Variants in TTI1 observed in about 807,000 individuals in gnomAD.
The protein encoded by TTI1 is TELO2 interacting protein 1.
TTI1 carries 52 observed loss-of-function variants against 85.4 expected under a neutral mutation model. The observed-to-expected ratio is 0.61, with a 90% CI of 0.49 to 0.77. The LOEUF is 0.77. TTI1 is among the 30% of genes least tolerant of loss of function. The pLI, the probability that TTI1 is intolerant of heterozygous loss-of-function variation, is 0.00. For synonymous variants in TTI1, 512 were observed against 503.9 expected (o/e 1.02, Z -0.22); for missense variants, 1,173 against 1,296.0 (o/e 0.91, Z 1.46).
At position 37,983,472 on chromosome 20, in the gene TTI1, A is replaced by G. The variant is rs1163536068; in HGVS notation, c.3254T>C (p.Leu1085Pro). 6.2e-7 allele frequency: 1 copy of G among 1,610,654 alleles called. No individual in the cohort carries two copies. Among genetic ancestry groups the G allele is most frequent in the Non-Finnish European group, 8.5e-7 (1 of 1,179,640 alleles). Reference sequence around the variant, plus strand: ...GGAGCAGGGTCACTGCAGCTCCTTGAGCAGCTGGAGCACGTTGGTCGTGTA... The same window carrying G: ...GGAGCAGGGTCACTGCAGCTCCTTGGGCAGCTGGAGCACGTTGGTCGTGTA... ...NPYTTNVLQL[L>P]KELQ The change falls in exon 8 of 8, where the codon CTC becomes CCC. Residue 1085 changes from leucine to proline, a missense_variant. Coordinates refer to ENST00000373447, the MANE Select transcript of TTI1 (RefSeq NM_001303457.2).
At chr20:38,004,672 G>A (rs1242294259) in intron 3 of TTI1, among the ~76,000 whole-genome samples, 1 of 152,172 alleles carries the variant, frequency 6.6e-6, no homozygotes, top group African/African-American at 2.4e-5. Context: ...TTCACCTATT[G>A]CAGAATCTTA....
chr20:38,007,524 A>G (rs1294842396), intron 2 of TTI1, among the ~76,000 whole-genome samples: 1 of 152,180 alleles, frequency 6.6e-6, no homozygotes, highest in Non-Finnish European at 1.5e-5. Flanking sequence ...TCTAATTTCA[A>G]TTATTTTTGT....
At chr20:38,033,184 C>T (rs754322311) in intron 1 of TTI1, among the ~76,000 whole-genome samples, 2 of 152,106 alleles carry the variant, frequency 1.3e-5, no homozygotes, top group African/African-American at 4.8e-5. Context: ...GAAAAGGGCA[C>T]GTGGGTGGCT....
intron 1 of TTI1, among the ~76,000 whole-genome samples, chr20:38,031,334 C>A (rs548081918): frequency 3.9e-5 from 6 of 152,200 alleles, no homozygotes. Flanking sequence ...TCCAGCCACC[C>A]TTCTAGTTCA....
At chr20:38,023,972 CTCT>C (rs2073803739) in intron 1 of TTI1, among the ~76,000 whole-genome samples, 1 of 152,136 alleles carries the variant, frequency 6.6e-6, no homozygotes, top group South Asian at 2.1e-4. Flanking sequence ...CCGGAAATTA[CTCT>C]AGGCTCACAT....
Position 37,999,162 on chromosome 20 carries a change from G to T in TTI1, c.2793+26C>A, listed in dbSNP as rs567254191. 1.0e-5 allele frequency: 14 copies of T among 1,384,090 alleles called. No individual in the cohort carries two copies. The African/African-American group carries it at 1.9e-4, about 19-fold the overall frequency. The allele number at this position is 1,384,090 out of a possible 1,614,324, so 85.7% of individuals were successfully genotyped here. ...GCCTACTAACTCTACCCTCACAACA[G>T]ACCATGGGGGATGCTGGTGCAGTAC... On this transcript the variant is annotated intron_variant, in intron 5 of 7. Coordinates refer to ENST00000373447, the MANE Select transcript of TTI1 (RefSeq NM_001303457.2).
intron 7 of TTI1, among the ~76,000 whole-genome samples, chr20:37,989,596 C>T (rs2073235357): frequency 6.6e-6 from 1 of 152,234 alleles, no homozygotes; most frequent in Non-Finnish European, 1.5e-5. Context: ...GCCTAGATCC[C>T]ACGACAGTGT....
At chr20:38,032,436 T>A (rs575187111) in intron 1 of TTI1, among the ~76,000 whole-genome samples, 1 of 152,296 alleles carries the variant, frequency 6.6e-6, no homozygotes, top group Non-Finnish European at 1.5e-5. Flanking sequence ...TATACCACGA[T>A]CAGGAAATTT....
At chr20:37,996,275 CAG>C in intron 7 of TTI1, 98 bp downstream of exon 7, 1 of 1,233,998 alleles carries the variant, frequency 8.1e-7, no homozygotes, top group Non-Finnish European at 1.2e-6. Context: ...GGCAGGGTGA[CAG>C]AGAAAAGAGC....
At position 38,033,031 on chromosome 20, in the gene TTI1, T is replaced by G. The variant is rs140721458; in HGVS notation, c.-42+373A>C. Among the ~76,000 whole-genome samples the G allele has an allele frequency of 6.9e-3, 1,054 of 152,240 alleles. 5 individuals carry two copies. The highest frequency in any genetic ancestry group is 0.02 in the African/African-American group (838 of 41,524). ...CACTTAAGAGCCGAGAGCCCAAATGTGTGTTTCATGACGGCGCTGTTACAG... is the reference window on the plus strand; with the variant it reads ...CACTTAAGAGCCGAGAGCCCAAATGGGTGTTTCATGACGGCGCTGTTACAG... On this transcript the variant is annotated intron_variant, in intron 1 of 7. Coordinates refer to ENST00000373447, the MANE Select transcript of TTI1 (RefSeq NM_001303457.2).
intron 1 of TTI1, among the ~76,000 whole-genome samples, chr20:38,015,396 G>A (rs1043013283): frequency 6.6e-6 from 1 of 152,154 alleles, no homozygotes; most frequent in Non-Finnish European, 1.5e-5. Context: ...AATGCCACGC[G>A]TGGCAGCCAC....
In TTI1 at chr20:38,012,295, A is replaced by G. The variant is rs1257929044; in HGVS notation, c.1522T>C (p.Phe508Leu). ...ACAGATTGATGGTAAAGTTCCATAA[A>G]GTGATCCACAAGCAAATAAAGATTC... is the stretch of plus-strand genomic sequence containing the variant. ...YGNLYLLVDH[F>L]MELYHQSVVY... Residue 508 changes from phenylalanine (F) to leucine (L), a missense_variant, in exon 2 of 8, where the codon TTT (phenylalanine) becomes CTT (leucine). Physicochemically the swap from Phe to Leu is conservative, Grantham distance 22. Coordinates refer to ENST00000373447, the MANE Select transcript of TTI1 (RefSeq NM_001303457.2). 6.8e-6 allele frequency: 11 copies of G among 1,614,210 alleles called. No individual in the cohort carries two copies. The highest frequency in any genetic ancestry group is 3.3e-5 in the Admixed American group (2 of 60,026).
chr20:37,995,479 C>T (rs1480161901), intron 7 of TTI1, among the ~76,000 whole-genome samples: 2 of 152,344 alleles, frequency 1.3e-5, no homozygotes, highest in African/African-American at 4.8e-5. Flanking sequence ...GCAGGGATTC[C>T]GCTGCAGGCG....
At position 38,009,850 on chromosome 20, in the gene TTI1, C is replaced by T. The variant is rs535199943; in HGVS notation, c.2302+1665G>A. Among the ~76,000 whole-genome samples the T allele has an allele frequency of 3.9e-5, 6 of 152,256 alleles. No homozygotes were observed. In the East Asian group the frequency reaches 9.6e-4, roughly 24 times the overall value. ...TGATAGCCCCCTATGTGTTGATGGG[C>T]CTTTCTCATCCTTCAGGTTTTGGCT... On this transcript the variant is annotated intron_variant, in intron 2 of 7. Coordinates refer to ENST00000373447, the MANE Select transcript of TTI1 (RefSeq NM_001303457.2).
chr20:38,017,062 C>T (rs1436918898), intron 1 of TTI1, among the ~76,000 whole-genome samples: 2 of 152,160 alleles, frequency 1.3e-5, no homozygotes, highest in Non-Finnish European at 2.9e-5. Flanking sequence ...CTTTTTCCTA[C>T]CCCTGTACAC....
At chr20:37,988,476 G>C (rs1015976193) in intron 7 of TTI1, among the ~76,000 whole-genome samples, 3 of 152,258 alleles carry the variant, frequency 2.0e-5, no homozygotes, top group African/African-American at 7.2e-5. Flanking sequence ...GCCAGCCAAT[G>C]AGGGCCCAGT....
intron 1 of TTI1, among the ~76,000 whole-genome samples, chr20:38,020,317 A>ATAT (rs1568628878): frequency 4.5e-5 from 2 of 44,050 alleles, no homozygotes; most frequent in African/African-American, 2.9e-4. Flanking sequence ...TATGAAAAAA[A>ATAT]AAAAAAATAT....
chr20:37,998,514 T>G (rs985208897), intron 5 of TTI1, among the ~76,000 whole-genome samples: 2 of 151,708 alleles, frequency 1.3e-5, no homozygotes, highest in Non-Finnish European at 3.0e-5. Context: ...TTAAGGGCTT[T>G]TTAGAACAAG....
At chr20:37,983,969 A>G (rs1333490383) in intron 7 of TTI1, among the ~76,000 whole-genome samples, 1 of 152,216 alleles carries the variant, frequency 6.6e-6, no homozygotes, top group Non-Finnish European at 1.5e-5. Context: ...AGTTTTCACA[A>G]AGAAGAAAAA....
Sources: gnomAD v4.1 joint callset for allele counts (sites outside exome capture counted in the v4.1 genomes callset) on GRCh38, gnomAD v4.1.1 for gene constraint, MANE v1.5 for transcripts, NCBI Gene and HGNC (gene_info 2026-07-23, HGNC 2026-07-21) for gene names.